PLCL1: variants seen among roughly 807,000 people sequenced by gnomAD.
The protein encoded by PLCL1 is inactive phospholipase C-like protein 1.
A neutral mutation model predicts 84.4 loss-of-function variants in PLCL1; 41 were observed. The ratio of observed to expected loss-of-function variants is 0.49; its 90% CI spans 0.38 to 0.63. PLCL1 has a LOEUF of 0.63. Ranked by LOEUF, PLCL1 falls within the 30% of genes least tolerant of loss-of-function variation. The pLI, the probability that PLCL1 is intolerant of heterozygous loss-of-function variation, is 0.00. For synonymous variants in PLCL1, 490 were observed against 488.3 expected (o/e 1.00, Z -0.05); for missense variants, 1,206 against 1,367.8 (o/e 0.88, Z 1.87).
intron 5 of PLCL1, among the ~76,000 whole-genome samples, chr2:198,145,971 C>T (rs966736112): frequency 1.3e-5 from 2 of 152,140 alleles, no homozygotes; most frequent in African/African-American, 4.8e-5. Flanking sequence ...GCCATAGACA[C>T]CTGTCCCTGC....
chr2:198,007,765 C>T (rs1298271558), intron 1 of PLCL1, among the ~76,000 whole-genome samples: 1 of 152,074 alleles, frequency 6.6e-6, no homozygotes, highest in Admixed American at 6.6e-5. Context: ...TCTCTTGCTC[C>T]ACAACCATTG....
intron 1 of PLCL1, among the ~76,000 whole-genome samples, chr2:198,046,117 T>C (rs1477630511): frequency 6.6e-6 from 1 of 152,190 alleles, no homozygotes; most frequent in Non-Finnish European, 1.5e-5. Flanking sequence ...GTAAATAAAG[T>C]TTTACTGGAA....
chr2:197,830,853 G>C (rs768384213), intron 1 of PLCL1, among the ~76,000 whole-genome samples: 13 of 152,220 alleles, frequency 8.5e-5, no homozygotes, highest in Non-Finnish European at 1.8e-4. Flanking sequence ...CCAGAAGAGA[G>C]TGAGGGCTGA....
intron 5 of PLCL1, among the ~76,000 whole-genome samples, chr2:198,130,908 T>C (rs1340954549): frequency 2.0e-5 from 3 of 152,156 alleles, no homozygotes; most frequent in Admixed American, 2.0e-4. Context: ...GTGATCTTTT[T>C]GAATGTAAAG....
intron 1 of PLCL1, among the ~76,000 whole-genome samples, chr2:197,847,364 A>G (rs1168514902): frequency 6.6e-6 from 1 of 152,140 alleles, no homozygotes; most frequent in Admixed American, 6.6e-5. Flanking sequence ...GATCCTCAGC[A>G]CCCCAGAGGC....
intron 5 of PLCL1, among the ~76,000 whole-genome samples, chr2:198,125,305 G>A (rs1693959223): frequency 6.6e-6 from 1 of 151,980 alleles, no homozygotes; most frequent in Non-Finnish European, 1.5e-5. Flanking sequence ...GAGTATTGGG[G>A]TTTTGCATTT....
intron 3 of PLCL1, among the ~76,000 whole-genome samples, chr2:198,100,327 A>G (rs1259495088): frequency 6.6e-6 from 1 of 152,132 alleles, no homozygotes; most frequent in African/African-American, 2.4e-5. Flanking sequence ...AATTCCATGA[A>G]CAGATTTAAA....
chr2:197,928,981 C>A (rs1688882340), intron 1 of PLCL1, among the ~76,000 whole-genome samples: 1 of 152,032 alleles, frequency 6.6e-6, no homozygotes, highest in Non-Finnish European at 1.5e-5. Flanking sequence ...TTACACTTTT[C>A]TTTAATTTTT....
intron 1 of PLCL1, among the ~76,000 whole-genome samples, chr2:197,975,039 G>T (rs1187541277): frequency 1.3e-5 from 2 of 151,300 alleles, no homozygotes; most frequent in African/African-American, 4.9e-5. Context: ...TACTCGGGAG[G>T]CTGAGGCAGG....
intron 1 of PLCL1, among the ~76,000 whole-genome samples, chr2:197,837,062 A>T (rs1691207169): frequency 6.6e-6 from 1 of 152,098 alleles, no homozygotes; most frequent in African/African-American, 2.4e-5. Context: ...AAAAAATCTA[A>T]ATCATGATTT....
chr2:197,888,827 A>C (rs1687965395), intron 1 of PLCL1, among the ~76,000 whole-genome samples: 1 of 152,154 alleles, frequency 6.6e-6, no homozygotes, highest in South Asian at 2.1e-4. Flanking sequence ...AGGAAGACAA[A>C]TTTCTTTCTA....
rs375846315 is a variant in PLCL1 at position 198,084,502 on chromosome 2, T to A, written c.985T>A (p.Tyr329Asn). ...LLVQISKNKE[Y>N]LDANDLMLFL... ...TGTACAGATATCTAAAAACAAAGAA[T>A]ATTTGGATGCCAATGATCTCATGCT... The change falls in exon 2 of 6, where the codon TAT becomes AAT. Residue 329 changes from tyrosine to asparagine, a missense_variant. Transcript: ENST00000428675. 3 of 1,614,092 alleles carry A rather than the reference T, an allele frequency of 1.9e-6. No homozygotes were observed. Among genetic ancestry groups the A allele is most frequent in the East Asian group, 2.2e-5 (1 of 44,888 alleles).
At chr2:197,819,743 G>A (rs700669) in intron 1 of PLCL1, among the ~76,000 whole-genome samples, 76,799 of 151,860 alleles carry the variant, frequency 0.51, 20,114 homozygotes, top group African/African-American at 0.62. Context: ...TCTTTCAAGC[G>A]TTCATGTTAT....
At chr2:198,055,490 A>G (rs1231862114) in intron 1 of PLCL1, among the ~76,000 whole-genome samples, 2 of 148,766 alleles carry the variant, frequency 1.3e-5, no homozygotes, top group Non-Finnish European at 3.0e-5. Flanking sequence ...AAATACATCA[A>G]TATTCTGTAG....
At chr2:198,033,025 G>A (rs1191510889) in intron 1 of PLCL1, among the ~76,000 whole-genome samples, 2 of 152,094 alleles carry the variant, frequency 1.3e-5, no homozygotes, top group Non-Finnish European at 2.9e-5. Flanking sequence ...CAGGTAACAT[G>A]GAAAGAGCAG....
intron 1 of PLCL1, among the ~76,000 whole-genome samples, chr2:198,042,367 T>C (rs905478099): frequency 6.6e-6 from 1 of 152,238 alleles, no homozygotes; most frequent in Non-Finnish European, 1.5e-5. Flanking sequence ...TTGTTTGCAA[T>C]GTTTTAACAT....
At chr2:197,970,009 A>G (rs1689828272) in intron 1 of PLCL1, among the ~76,000 whole-genome samples, 1 of 152,226 alleles carries the variant, frequency 6.6e-6, no homozygotes, top group South Asian at 2.1e-4. Context: ...CTGGACCTGT[A>G]CTTTCCAATA....
At chr2:197,988,490 G>C (rs181488897) in intron 1 of PLCL1, among the ~76,000 whole-genome samples, 1 of 152,208 alleles carries the variant, frequency 6.6e-6, no homozygotes, top group Admixed American at 6.5e-5. Context: ...TTCCATTCCT[G>C]AGTTACTTCA....
At chr2:198,050,990 A>C (rs1422307795) in intron 1 of PLCL1, among the ~76,000 whole-genome samples, 1 of 152,230 alleles carries the variant, frequency 6.6e-6, no homozygotes. Context: ...TTGAAGGGAA[A>C]ACATTTTAAC....
Sources: gnomAD v4.1 joint callset for allele counts (sites outside exome capture counted in the v4.1 genomes callset) on GRCh38, gnomAD v4.1.1 for gene constraint, MANE v1.5 for transcripts, NCBI Gene and HGNC (gene_info 2026-07-23, HGNC 2026-07-21) for gene names.